TLN2: variants seen among roughly 807,000 people sequenced by gnomAD.
The protein encoded by TLN2 is talin-2.
Under a neutral mutation model 294.7 loss-of-function variants are expected in TLN2, and 118 were observed. That is an observed-to-expected ratio of 0.40 (90% CI 0.34 to 0.47). TLN2 has a LOEUF of 0.47. TLN2 is among the 20% of genes least tolerant of loss of function. The pLI, the probability that TLN2 is intolerant of heterozygous loss-of-function variation, is 0.84. For missense variants in TLN2, 3,083 were observed against 3,282.2 expected (o/e 0.94, Z 1.48); for synonymous variants, 1,431 against 1,304.5 (o/e 1.10, Z -2.09).
At chr15:62,541,745 T>C (rs1040509840) in intron 1 of TLN2, among the ~76,000 whole-genome samples, 1 of 152,134 alleles carries the variant, frequency 6.6e-6, no homozygotes, top group Non-Finnish European at 1.5e-5. Context: ...CATTATATTT[T>C]TATATATAGG....
chr15:62,469,976 G>T (rs1268930692), intron 1 of TLN2, among the ~76,000 whole-genome samples: 2 of 152,104 alleles, frequency 1.3e-5, no homozygotes, highest in African/African-American at 4.8e-5. Context: ...GCGAGAGAGA[G>T]AGCGCATGCA....
chr15:62,423,564 C>T (rs973242265), intron 1 of TLN2, among the ~76,000 whole-genome samples: 1 of 152,052 alleles, frequency 6.6e-6, no homozygotes. Flanking sequence ...CATGCCTTCC[C>T]CACCTATACT....
intron 1 of TLN2, among the ~76,000 whole-genome samples, chr15:62,402,139 A>G (rs563822453): frequency 6.6e-6 from 1 of 152,358 alleles, no homozygotes; most frequent in South Asian, 2.1e-4. Flanking sequence ...GAAGTTTCAC[A>G]AAACAGTATT....
chr15:62,790,904 T>C (rs761879048), intron 45 of TLN2, among the ~76,000 whole-genome samples: 1 of 152,254 alleles, frequency 6.6e-6, no homozygotes, highest in Non-Finnish European at 1.5e-5. Flanking sequence ...TGCCGTGTTG[T>C]GCAGTCCAGA....
chr15:62,570,782 C>T (rs539075228), intron 1 of TLN2, among the ~76,000 whole-genome samples: 1 of 152,342 alleles, frequency 6.6e-6, no homozygotes, highest in African/African-American at 2.4e-5. Context: ...CCAGACAACA[C>T]TGAATGTCTC....
At chr15:62,655,164 A>C (rs544509796) in intron 7 of TLN2, among the ~76,000 whole-genome samples, 8 of 152,054 alleles carry the variant, frequency 5.3e-5, no homozygotes, top group Non-Finnish European at 1.2e-4. Flanking sequence ...ATTATGTGCA[A>C]AATACTCTCC....
chr15:62,708,861 C>G, intron 21 of TLN2, 65 bp downstream of exon 21: 1 of 1,512,372 alleles, frequency 6.6e-7, no homozygotes, highest in Non-Finnish European at 8.8e-7. Flanking sequence ...TGGTGCTAAC[C>G]CATAGGGAAG....
At chr15:62,802,192 G>A (rs1220157816) in intron 50 of TLN2, among the ~76,000 whole-genome samples, 1 of 147,768 alleles carries the variant, frequency 6.8e-6, no homozygotes, top group Non-Finnish European at 1.5e-5. Flanking sequence ...AATTTTTTCT[G>A]TCACAAATAA....
intron 2 of TLN2, among the ~76,000 whole-genome samples, chr15:62,590,727 G>T (rs1056323615): frequency 2.0e-5 from 3 of 152,134 alleles, no homozygotes; most frequent in Non-Finnish European, 4.4e-5. Flanking sequence ...ATCCCAAGTA[G>T]TGTGTACGAA....
At position 62,540,781 on chromosome 15, in the gene TLN2, A is replaced by T. The variant is rs550536411; in HGVS notation, c.-237-48906A>T. On this transcript the variant is annotated intron_variant, in intron 1 of 58. Transcript: ENST00000636159. ...TAGTCAGGGGATTCACTGGGTCAGG[A>T]TGCATGATCCGGGTGGAAAGGCAGA... 2.6e-5 allele frequency among the ~76,000 whole-genome samples: 4 copies of T among 152,266 alleles called. No individual in the cohort carries two copies. The South Asian group carries it at 8.3e-4, about 32-fold the overall frequency.
rs79386311 is a variant in TLN2, at chr15:62,716,546, C to T, written c.2763+87C>T. 9.8e-3 allele frequency: 14,239 copies of T among 1,456,430 alleles called. 85 individuals are homozygous for T. The highest frequency in any genetic ancestry group is 0.012 in the Non-Finnish European group (13,066 of 1,099,984). 90.2% of individuals were successfully genotyped at this position (1,456,430 alleles called of 1,614,324 possible). A position where few individuals can be genotyped will look rare whatever the true frequency, so the allele number is the denominator to read the frequency against. On this transcript the variant is annotated intron_variant, in intron 23 of 58. Transcript: ENST00000636159. ...GATAGTTGAATTAACAAGGTGTTGA[C>T]AATATAAAGAAAGCCAAGTCAAGGT... is the stretch of plus-strand genomic sequence containing the variant.
intron 1 of TLN2, among the ~76,000 whole-genome samples, chr15:62,414,163 A>AAATATATATATAT (rs1555404130): frequency 2.7e-5 from 1 of 37,368 alleles, no homozygotes; most frequent in Non-Finnish European, 6.2e-5. Flanking sequence ...AAAAAAAAAA[A>AAATATATATATAT]CTATATATAT....
At chr15:62,697,572 C>A (rs931073317) in intron 14 of TLN2, 116 bp from the exon 15 acceptor site, 42 of 1,151,946 alleles carry the variant, frequency 3.6e-5, no homozygotes, top group Non-Finnish European at 4.9e-5. Context: ...GTATGTGCCT[C>A]TTTTAGTTGG....
intron 52 of TLN2, among the ~76,000 whole-genome samples, chr15:62,816,972 C>G (rs1009365227): frequency 4.6e-5 from 7 of 152,158 alleles, no homozygotes; most frequent in African/African-American, 9.7e-5. Context: ...TTAAAAAATT[C>G]TTATGCCCAG....
chr15:62,574,619 A>AAAAAC (rs2044229886), intron 1 of TLN2, among the ~76,000 whole-genome samples: 1 of 123,920 alleles, frequency 8.1e-6, no homozygotes, highest in Non-Finnish European at 1.6e-5. Flanking sequence ...AAAAAAAAAA[A>AAAAAC]GACTATTTCC....
At chr15:62,761,884 G>C (rs1327779760) in intron 38 of TLN2, 63 bp downstream of exon 38, 2 of 1,601,016 alleles carry the variant, frequency 1.2e-6, no homozygotes, top group East Asian at 4.5e-5. Flanking sequence ...GGCACCAAAT[G>C]AGTTACTAGT....
intron 34 of TLN2, among the ~76,000 whole-genome samples, chr15:62,751,013 A>G (rs11071690): frequency 0.91 from 138,367 of 152,124 alleles, 63,232 homozygotes; most frequent in Non-Finnish European, 0.96. Flanking sequence ...CATTGGAGAG[A>G]TGTTGAAAAA....
chr15:62,450,547 ATGTGTGTG>A (rs10591621), intron 1 of TLN2, among the ~76,000 whole-genome samples: 155 of 136,118 alleles, frequency 1.1e-3, no homozygotes, highest in Middle Eastern at 3.6e-3. Flanking sequence ...GTATGTATGT[ATGTGTGTG>A]TGTGTGTGTG....
chr15:62,582,221 C>CACACACACACACAT (rs1555435640), intron 1 of TLN2, among the ~76,000 whole-genome samples: 37 of 142,616 alleles, frequency 2.6e-4, no homozygotes, highest in Non-Finnish European at 3.7e-4. Context: ...CACACACACA[C>CACACACACACACAT]ACACACACAC....
Sources: gnomAD v4.1 joint callset for allele counts (sites outside exome capture counted in the v4.1 genomes callset) on GRCh38, gnomAD v4.1.1 for gene constraint, MANE v1.5 for transcripts, NCBI Gene and HGNC (gene_info 2026-07-23, HGNC 2026-07-21) for gene names.